The following FRYL variants were observed in gnomAD, a reference collection of about 807,000 sequenced individuals.
FRYL encodes the protein FRY like transcription coactivator, also known as protein furry homolog-like.
FRYL carries 150 observed loss-of-function variants against 351.2 expected under a neutral mutation model. That is an observed-to-expected ratio of 0.43 (90% CI 0.37 to 0.49). The LOEUF (loss-of-function observed/expected upper bound fraction) is 0.49. FRYL is among the 20% of genes least tolerant of loss of function. FRYL has a pLI of 0.00. For missense variants in FRYL, 3,036 were observed against 3,619.3 expected (o/e 0.84, Z 4.13); for synonymous variants, 1,153 against 1,257.1 (o/e 0.92, Z 1.75).
intron 1 of FRYL, among the ~76,000 whole-genome samples, chr4:48,713,496 A>C (rs1356884565): frequency 2.0e-5 from 3 of 152,212 alleles, no homozygotes; most frequent in Non-Finnish European, 4.4e-5. Context: ...ACAGACTTTA[A>C]ACCAAAAAAG....
chr4:48,655,694 TATATAATGTATATATAC>T (rs926083048), intron 3 of FRYL, among the ~76,000 whole-genome samples: 2 of 147,040 alleles, frequency 1.4e-5, no homozygotes, highest in African/African-American at 4.9e-5. Context: ...ATGTATATAT[TATATAATGTATATATAC>T]ATATAATGTA....
At chr4:48,713,317 C>A (rs183361373) in intron 1 of FRYL, among the ~76,000 whole-genome samples, 26 of 152,252 alleles carry the variant, frequency 1.7e-4, no homozygotes, top group Admixed American at 3.9e-4. Flanking sequence ...TTAAAAGACA[C>A]TGACTGGCAA....
At chr4:48,773,596 A>T (rs1775732506) in intron 1 of FRYL, among the ~76,000 whole-genome samples, 1 of 152,196 alleles carries the variant, frequency 6.6e-6, no homozygotes. Flanking sequence ...ATTTCCTATT[A>T]TTCTCCAGGC....
intron 1 of FRYL, among the ~76,000 whole-genome samples, chr4:48,734,531 TCAA>T (rs1228189965): frequency 1.3e-5 from 2 of 152,124 alleles, no homozygotes; most frequent in Admixed American, 1.3e-4. Flanking sequence ...ATAGCTGAAC[TCAA>T]CAACACCATT....
Position 48,515,264 on chromosome 4 carries a change from T to C in FRYL, c.7701A>G (p.Ser2567=). 1 of 1,605,048 alleles carries C rather than the reference T, an allele frequency of 6.2e-7. No individual in the cohort carries two copies. The highest frequency in any genetic ancestry group is 8.5e-7 in the Non-Finnish European group (1 of 1,173,520). Residue 2567 remains serine (S), a synonymous_variant, in exon 56 of 64, where the codon TCA becomes TCG. Transcript: ENST00000358350. ...ANSRLPEDTT[S]VLKEEHVTTF... ...TTGTAACATGTTCCTCCTTTAATAC[T>C]GAAGTTGTATCCTACAAAACAATCA...
intron 57 of FRYL, 79 bp from the exon 58 acceptor site, chr4:48,511,063 G>T: frequency 1.2e-6 from 1 of 816,942 alleles, no homozygotes; most frequent in Non-Finnish European, 1.9e-6. Flanking sequence ...AAGCATAATA[G>T]GGTAGACTTT....
At chr4:48,607,340 TGAG>T (rs1366894445) in intron 9 of FRYL, among the ~76,000 whole-genome samples, 1 of 152,094 alleles carries the variant, frequency 6.6e-6, no homozygotes, top group African/African-American at 2.4e-5. Context: ...CTGACTACAG[TGAG>T]AAGAACAAAA....
chr4:48,778,189 A>G (rs1776227007), intron 1 of FRYL, among the ~76,000 whole-genome samples: 1 of 152,176 alleles, frequency 6.6e-6, no homozygotes, highest in African/African-American at 2.4e-5. Context: ...TATTTCAAAC[A>G]TTATCTGATA....
At chr4:48,588,744 TC>T (rs1482988754) in intron 18 of FRYL, among the ~76,000 whole-genome samples, 1 of 152,148 alleles carries the variant, frequency 6.6e-6, no homozygotes, top group Non-Finnish European at 1.5e-5. Flanking sequence ...ATGTGCAGTG[TC>T]CCCCACCCAC....
At chr4:48,531,685 A>G (rs1462135193) in intron 49 of FRYL, among the ~76,000 whole-genome samples, 1 of 152,218 alleles carries the variant, frequency 6.6e-6, no homozygotes, top group Non-Finnish European at 1.5e-5. Flanking sequence ...ATTTGTATAT[A>G]CGTCAGCTTT....
intron 55 of FRYL, among the ~76,000 whole-genome samples, chr4:48,516,557 A>ATGGATT (rs1284896067): frequency 6.6e-6 from 1 of 152,196 alleles, no homozygotes; most frequent in African/African-American, 2.4e-5. Flanking sequence ...TCTGTTTTTC[A>ATGGATT]TGGATAAAAA....
chr4:48,744,380 T>C (rs545128790), intron 1 of FRYL, among the ~76,000 whole-genome samples: 1 of 152,188 alleles, frequency 6.6e-6, no homozygotes, highest in East Asian at 1.9e-4. Context: ...AGAAAGCCAG[T>C]CAGCCTGTGA....
intron 3 of FRYL, among the ~76,000 whole-genome samples, chr4:48,676,525 G>A (rs897009735): frequency 7.9e-5 from 12 of 151,276 alleles, no homozygotes; most frequent in African/African-American, 2.9e-4. Flanking sequence ...GGGACTACAG[G>A]CTCCCGCCAC....
At chr4:48,569,106 T>C (rs1330270571) in intron 27 of FRYL, among the ~76,000 whole-genome samples, 10 of 152,204 alleles carry the variant, frequency 6.6e-5, no homozygotes, top group African/African-American at 2.4e-4. Context: ...TAATTTTAAA[T>C]ACAGCAAAAT....
intron 17 of FRYL, 33 bp downstream of exon 17, chr4:48,590,626 T>G (rs779041257): frequency 5.4e-6 from 8 of 1,480,914 alleles, no homozygotes; most frequent in Non-Finnish European, 7.4e-6. Context: ...GAAACTGTAT[T>G]ACAAAGCAAC....
intron 9 of FRYL, among the ~76,000 whole-genome samples, chr4:48,607,905 TCTGGTCTATATTC>T (rs1747208278): frequency 6.6e-6 from 1 of 152,180 alleles, no homozygotes; most frequent in Admixed American, 6.6e-5. Flanking sequence ...ATTTAGAATT[TCTGGTCTATATTC>T]CTGAGACAGA....
intron 2 of FRYL, among the ~76,000 whole-genome samples, chr4:48,690,535 A>T (rs1225561662): frequency 3.9e-5 from 6 of 152,188 alleles, no homozygotes. Flanking sequence ...TCTCTGGAAG[A>T]TGATACGCCC....
intron 1 of FRYL, among the ~76,000 whole-genome samples, chr4:48,737,993 T>C (rs1771632139): frequency 6.6e-6 from 1 of 152,220 alleles, no homozygotes; most frequent in South Asian, 2.1e-4. Flanking sequence ...AACCTACTGT[T>C]AACCTCATTC....
intron 2 of FRYL, among the ~76,000 whole-genome samples, chr4:48,701,281 G>C (rs1766687012): frequency 1.3e-5 from 2 of 152,284 alleles, no homozygotes; most frequent in South Asian, 4.1e-4. Context: ...GAAACTAAAA[G>C]TTAGATTAAT....
Sources: gnomAD v4.1 joint callset for allele counts (sites outside exome capture counted in the v4.1 genomes callset) on GRCh38, gnomAD v4.1.1 for gene constraint, MANE v1.5 for transcripts, NCBI Gene and HGNC (gene_info 2026-07-23, HGNC 2026-07-21) for gene names.